Variants in GSE1 observed in about 807,000 individuals in gnomAD.
GSE1 encodes Gse1 coiled-coil protein.
In GSE1, 32 loss-of-function variants were observed where a neutral mutation model predicts 112.6. The observed-to-expected ratio is 0.28, with a 90% CI of 0.21 to 0.38. GSE1 has a LOEUF of 0.38. Among genes scored for constraint, GSE1 ranks in the 10% least tolerant of loss-of-function variants. The probability of loss-of-function intolerance (pLI) is 1.00; values close to 1 mark genes in which losing one functional copy is unlikely to be tolerated. For synonymous variants in GSE1, 1,115 were observed against 735.6 expected (o/e 1.52, Z -8.35); for missense variants, 2,348 against 1,699.2 (o/e 1.38, Z -6.71).
In GSE1 at chr16:85,654,893, G is replaced by A; in HGVS notation, c.699G>A (p.Met233Ile). 2 of 1,611,840 alleles carry A rather than the reference G, an allele frequency of 1.2e-6. No homozygotes were observed. Among genetic ancestry groups the A allele is most frequent in the South Asian group, 1.1e-5 (1 of 91,014 alleles). ...RPYHTTDDLR[M>I]SSLPPLGLDP... Reference sequence around the variant, plus strand: ...ACCACACCACCGACGACCTCCGCATGTCCTCACTGCCTCCCCTCGGCCTGG... The same window carrying A: ...ACCACACCACCGACGACCTCCGCATATCCTCACTGCCTCCCCTCGGCCTGG... Residue 233 changes from methionine to isoleucine, a missense_variant, in exon 5 of 16, where the codon ATG becomes ATA. By Grantham distance (10) the Met-to-Ile change is conservative (BLOSUM62 1). Coordinates refer to ENST00000253458, the MANE Select transcript of GSE1 (RefSeq NM_014615.5).
intron 2 of GSE1, among the ~76,000 whole-genome samples, chr16:85,446,687 T>A (rs1597784193): frequency 6.6e-6 from 1 of 152,182 alleles, no homozygotes; most frequent in East Asian, 1.9e-4. Flanking sequence ...AGACCTACCG[T>A]GTGTTGGAGC....
At chr16:85,607,493 G>A (rs1468876410), upstream of GSE1, among the ~76,000 whole-genome samples, 2 of 152,228 alleles carry the variant, frequency 1.3e-5, no homozygotes, top group African/African-American at 2.4e-5. Context: ...GTGCAGCTGT[G>A]TGCGGGGTGC....
chr16:85,374,525 C>CGTGT (rs995782310), intron 2 of GSE1, among the ~76,000 whole-genome samples: 22 of 142,486 alleles, frequency 1.5e-4, no homozygotes, highest in Middle Eastern at 7.1e-3. Context: ...TCAGTGTGTG[C>CGTGT]GTGTGTGTGT....
chr16:85,398,132 G>C (rs996972111), intron 2 of GSE1, among the ~76,000 whole-genome samples: 1 of 152,214 alleles, frequency 6.6e-6, no homozygotes, highest in African/African-American at 2.4e-5. Context: ...GATGAGTGAT[G>C]TTGTCTCTCA....
At chr16:85,506,991 T>G (rs947212663) in intron 2 of GSE1, among the ~76,000 whole-genome samples, 1 of 152,166 alleles carries the variant, frequency 6.6e-6, no homozygotes, top group Non-Finnish European at 1.5e-5. Context: ...GTCCGTAGCC[T>G]TGGTGGCCTG....
rs568602591 is a variant in GSE1 at position 85,211,899 on chromosome 16, G to A, written c.2283+40092G>A. On this transcript the variant is annotated intron_variant, in intron 1 of 2. Coordinates refer to the GSE1 transcript ENST00000637419. ...CCTGAAGTCACACACAGCTTTGAGC[G>A]CCTGGATTTCAAGGCACCAGGGGGC... 4.0e-4 allele frequency among the ~76,000 whole-genome samples: 61 copies of A among 152,326 alleles called. 1 individual carries two copies. The highest frequency in any genetic ancestry group is 3.9e-3 in the Admixed American group (59 of 15,294).
In GSE1 at chr16:85,392,403, A is replaced by G. The variant is rs141417803; in HGVS notation, c.2464+34760A>G. Among the ~76,000 whole-genome samples the G allele has an allele frequency of 2.0e-4, 31 of 152,234 alleles. 1 individual carries two copies. The highest frequency in any genetic ancestry group is 3.4e-3 in the Middle Eastern group (1 of 294). The stretch of plus-strand genomic sequence containing the variant: ...CTATACTTATGCTCTTAAAACATCC[A>G]TTGCTTCGGGCTGGGGAGGGGATGG... On this transcript the variant is annotated intron_variant, in intron 2 of 2. Transcript: ENST00000637419.
At chr16:85,632,715 C>T (rs1381587710) in intron 1 of GSE1, among the ~76,000 whole-genome samples, 2 of 151,758 alleles carry the variant, frequency 1.3e-5, no homozygotes, top group Non-Finnish European at 2.9e-5. Context: ...ACAGTCCGCC[C>T]CTCTTGTGTG....
intron 1 of GSE1, among the ~76,000 whole-genome samples, chr16:85,236,432 G>C (rs564711227): frequency 2.0e-3 from 310 of 152,380 alleles, no homozygotes; most frequent in African/African-American, 7.0e-3. Flanking sequence ...AAAACTCTGA[G>C]ACTTGGGGTC....
intron 2 of GSE1, chr16:85,357,708 G>A (rs983131000): frequency 1.0e-5 from 11 of 1,101,974 alleles, no homozygotes; most frequent in African/African-American, 9.7e-5. Context: ...CAGCAGGGAT[G>A]GGGGCTCCCA....
At chr16:85,323,498 C>T (rs931060260) in intron 1 of GSE1, among the ~76,000 whole-genome samples, 5 of 152,108 alleles carry the variant, frequency 3.3e-5, no homozygotes, top group Admixed American at 6.5e-5. Flanking sequence ...GGGGGAAAGT[C>T]GCCGGCCTGG....
chr16:85,610,834 C>A (rs574065902), upstream of GSE1, among the ~76,000 whole-genome samples: 61 of 152,352 alleles, frequency 4.0e-4, no homozygotes, highest in African/African-American at 1.4e-3. Context: ...GCCTCAACTT[C>A]CTCATCTGTG....
intron 2 of GSE1, among the ~76,000 whole-genome samples, chr16:85,400,104 C>A (rs547120571): frequency 6.6e-6 from 1 of 152,324 alleles, no homozygotes; most frequent in East Asian, 1.9e-4. Context: ...GCGTCTTCGC[C>A]GCCACACCGG....
chr16:85,602,526 C>G (rs1458313090), intron 1 of GSE1, among the ~76,000 whole-genome samples: 1 of 152,090 alleles, frequency 6.6e-6, no homozygotes, highest in African/African-American at 2.4e-5. Context: ...GGATCCCTGC[C>G]CGACCCACAT....
At chr16:85,586,885 T>G (rs2046724364) in intron 1 of GSE1, among the ~76,000 whole-genome samples, 1 of 152,208 alleles carries the variant, frequency 6.6e-6, no homozygotes, top group South Asian at 2.1e-4. Context: ...CTTTCTTATT[T>G]TAAATAATTC....
chr16:85,182,839 G>A (rs55783878), intron 1 of GSE1, among the ~76,000 whole-genome samples: 17,039 of 151,974 alleles, frequency 0.11, 1,198 homozygotes, highest in Middle Eastern at 0.24. Context: ...CACAGGGTGG[G>A]GTAGTTTTGC....
intron 1 of GSE1, among the ~76,000 whole-genome samples, chr16:85,566,439 G>A (rs761463269): frequency 7.2e-5 from 11 of 152,282 alleles, no homozygotes; most frequent in South Asian, 2.1e-4. Context: ...TCTCCACTGC[G>A]TCCCATGTAA....
At chr16:85,248,331 G>A (rs1906087819) in intron 1 of GSE1, among the ~76,000 whole-genome samples, 1 of 152,080 alleles carries the variant, frequency 6.6e-6, no homozygotes, top group East Asian at 1.9e-4. Flanking sequence ...TGTGTCCTGT[G>A]CTGCCATCCT....
intron 1 of GSE1, among the ~76,000 whole-genome samples, chr16:85,227,650 A>G (rs1217122778): frequency 6.6e-6 from 1 of 152,048 alleles, no homozygotes; most frequent in Non-Finnish European, 1.5e-5. Context: ...CACTTGAGGG[A>G]AACATTGAGG....
Sources: allele counts gnomAD v4.1 joint callset (sites outside exome capture counted in the v4.1 genomes callset), GRCh38; gene constraint gnomAD v4.1.1; transcripts MANE v1.5; gene names NCBI Gene and HGNC (gene_info 2026-07-23, HGNC 2026-07-21).